Variants in FTO observed in about 807,000 individuals in gnomAD.
FTO encodes the protein FTO alpha-ketoglutarate dependent dioxygenase, also known as alpha-ketoglutarate-dependent dioxygenase FTO.
Under a neutral mutation model 63.9 loss-of-function variants are expected in FTO, and 47 were observed. That is an observed-to-expected ratio of 0.74 (90% CI 0.58 to 0.94). The LOEUF is 0.94. Among genes scored for constraint, FTO ranks in the 40% least tolerant of loss-of-function variants. The pLI, the probability that FTO is intolerant of heterozygous loss-of-function variation, is 0.00. For synonymous variants in FTO, 207 were observed against 224.4 expected (o/e 0.92, Z 0.69); for missense variants, 562 against 618.1 (o/e 0.91, Z 0.96).
At chr16:53,923,183 A>G (rs997646262) in intron 7 of FTO, 1 of 152,232 alleles carries the variant, frequency 6.6e-6, no homozygotes, top group African/African-American at 2.4e-5. Flanking sequence ...CCCATTTCCT[A>G]TCATAAGAAG....
At chr16:53,807,246 G>A (rs1405845955) in intron 1 of FTO, among the ~76,000 whole-genome samples, 2 of 152,208 alleles carry the variant, frequency 1.3e-5, no homozygotes, top group Admixed American at 6.5e-5. Flanking sequence ...ATTCTCTGCT[G>A]TCATGTAGAT....
chr16:53,925,678 A>G (rs1435935635), intron 7 of FTO, among the ~76,000 whole-genome samples: 2 of 152,160 alleles, frequency 1.3e-5, no homozygotes, highest in African/African-American at 4.8e-5. Flanking sequence ...ATTAGTAAAG[A>G]GTAAATGGTG....
intron 3 of FTO, among the ~76,000 whole-genome samples, chr16:53,834,407 G>A (rs1191818960): frequency 6.6e-6 from 1 of 152,110 alleles, no homozygotes; most frequent in East Asian, 1.9e-4. Context: ...CATTGATGAG[G>A]CACTTAAATT....
chr16:53,979,958 C>A (rs1418358766), intron 8 of FTO, among the ~76,000 whole-genome samples: 1 of 152,168 alleles, frequency 6.6e-6, no homozygotes, highest in East Asian at 1.9e-4. Context: ...TTGGCTTATT[C>A]AATCTGGTGT....
At chr16:53,885,252 T>C (rs1485479750) in intron 6 of FTO, among the ~76,000 whole-genome samples, 3 of 152,218 alleles carry the variant, frequency 2.0e-5, no homozygotes, top group Non-Finnish European at 4.4e-5. Context: ...TTTTTTGCCT[T>C]CTTAATTAAG....
chr16:53,756,181 A>G (rs2076919349), intron 1 of FTO, among the ~76,000 whole-genome samples: 1 of 152,222 alleles, frequency 6.6e-6, no homozygotes, highest in Admixed American at 6.5e-5. Context: ...TCTCAGTAAG[A>G]GAGATATATG....
intron 8 of FTO, among the ~76,000 whole-genome samples, chr16:53,942,015 T>G (rs1472449584): frequency 6.6e-6 from 1 of 152,254 alleles, no homozygotes; most frequent in Non-Finnish European, 1.5e-5. Flanking sequence ...TCTCAATCTA[T>G]TCCAGTGTTT....
intron 7 of FTO, among the ~76,000 whole-genome samples, chr16:53,903,289 T>C (rs1316989543): frequency 6.6e-6 from 1 of 151,572 alleles, no homozygotes; most frequent in East Asian, 1.9e-4. Flanking sequence ...GACGGAGTCT[T>C]CCTCTGTTGC....
chr16:54,109,395 A>G (rs2086825999), intron 8 of FTO, among the ~76,000 whole-genome samples: 1 of 152,162 alleles, frequency 6.6e-6, no homozygotes, highest in African/African-American at 2.4e-5. Flanking sequence ...CAGTAGCACA[A>G]TCTTGGCTCA....
chr16:53,838,702 G>A (rs2079378396), intron 3 of FTO, among the ~76,000 whole-genome samples: 1 of 152,034 alleles, frequency 6.6e-6, no homozygotes. Context: ...AGCCACGTGT[G>A]GTGGCACATG....
chr16:53,917,780 A>G (rs1350301339), intron 7 of FTO, among the ~76,000 whole-genome samples: 1 of 151,514 alleles, frequency 6.6e-6, no homozygotes, highest in African/African-American at 2.4e-5. Context: ...CTCTGGGTAA[A>G]TATGTGCCGA....
At chr16:54,057,424 C>T (rs2085460893) in intron 8 of FTO, among the ~76,000 whole-genome samples, 1 of 152,228 alleles carries the variant, frequency 6.6e-6, no homozygotes, top group African/African-American at 2.4e-5. Context: ...CTGTCATTAA[C>T]ACCCTATTAC....
intron 1 of FTO, among the ~76,000 whole-genome samples, chr16:53,757,090 A>G (rs200785317): frequency 1.3e-5 from 1 of 77,900 alleles, no homozygotes; most frequent in Admixed American, 9.7e-5. Flanking sequence ...GGACCTTTTT[A>G]AAAAAATATT....
At chr16:54,036,174 G>A (rs1259519143) in intron 8 of FTO, among the ~76,000 whole-genome samples, 1 of 152,186 alleles carries the variant, frequency 6.6e-6, no homozygotes, top group Non-Finnish European at 1.5e-5. Flanking sequence ...GTTTTCAACT[G>A]TCTATCCTAT....
intron 2 of FTO, among the ~76,000 whole-genome samples, chr16:53,813,199 C>T (rs1249947296): frequency 6.6e-6 from 1 of 150,858 alleles, no homozygotes; most frequent in Non-Finnish European, 1.5e-5. Flanking sequence ...CTAAGTGCAC[C>T]TTGCTGTTTT....
intron 8 of FTO, among the ~76,000 whole-genome samples, chr16:53,980,010 A>C (rs1484939467): frequency 3.3e-5 from 5 of 152,208 alleles, no homozygotes. Context: ...GATGCTCACC[A>C]GTAAAACACT....
chr16:54,055,110 C>T (rs1445098694), intron 8 of FTO, among the ~76,000 whole-genome samples: 3 of 152,290 alleles, frequency 2.0e-5, no homozygotes, highest in East Asian at 1.9e-4. Context: ...TTCATACCAG[C>T]GAACTAGGAT....
intron 8 of FTO, chr16:54,072,227 T>G (rs1327869550): frequency 6.6e-6 from 1 of 152,220 alleles, no homozygotes; most frequent in Non-Finnish European, 1.5e-5. Context: ...TATCTGCAAG[T>G]GTTTCTTTAA....
intron 1 of FTO, among the ~76,000 whole-genome samples, chr16:53,775,429 G>A (rs2077437677): frequency 6.6e-6 from 1 of 152,028 alleles, no homozygotes; most frequent in South Asian, 2.1e-4. Context: ...TGTCTGCCTG[G>A]GCTTTTGCAG....
Sources: gnomAD v4.1 joint callset for allele counts (sites outside exome capture counted in the v4.1 genomes callset) on GRCh38, gnomAD v4.1.1 for gene constraint, MANE v1.5 for transcripts, NCBI Gene and HGNC (gene_info 2026-07-23, HGNC 2026-07-21) for gene names.